The following GLI3 variants were observed in gnomAD, a reference collection of about 807,000 sequenced individuals.
GLI3 encodes GLI family zinc finger 3.
A neutral mutation model predicts 100.8 loss-of-function variants in GLI3; 20 were observed. The observed-to-expected ratio is 0.20, with a 90% CI of 0.14 to 0.29. The LOEUF (loss-of-function observed/expected upper bound fraction) is 0.29. GLI3 is among the 10% of genes least tolerant of loss of function. GLI3 has a pLI of 1.00. For synonymous variants in GLI3, 938 were observed against 860.5 expected (o/e 1.09, Z -1.58); for missense variants, 2,040 against 2,128.5 (o/e 0.96, Z 0.82).
intron 1 of GLI3, among the ~76,000 whole-genome samples, chr7:42,224,150 G>A (rs1160161216): frequency 6.6e-6 from 1 of 152,112 alleles, no homozygotes; most frequent in East Asian, 1.9e-4. Context: ...CCTTTTTGCA[G>A]TCATGTTCTA....
Position 42,201,380 on chromosome 7 carries a change from G to C in GLI3, c.124+21750C>G, listed in dbSNP as rs182960299. ...GGGCAATTGACAGAATCAGTCCATCGGGTAGAAACTGTTACTGCCACAGCT... is the reference window on the plus strand; with the variant it reads ...GGGCAATTGACAGAATCAGTCCATCCGGTAGAAACTGTTACTGCCACAGCT... On this transcript the variant is annotated intron_variant, in intron 2 of 14. Transcript: ENST00000395925. Among the ~76,000 whole-genome samples the C allele has an allele frequency of 3.1e-3, 469 of 152,248 alleles. 2 individuals are homozygous for C. The highest frequency in any genetic ancestry group is 7.5e-3 in the South Asian group (36 of 4,816).
chr7:42,203,976 G>C (rs1788099005), intron 2 of GLI3, among the ~76,000 whole-genome samples: 2 of 152,034 alleles, frequency 1.3e-5, no homozygotes, highest in Admixed American at 6.6e-5. Context: ...TCCAGCCTGG[G>C]GTGAGACTCC....
At chr7:42,246,874 G>T (rs1279668552) in intron 1 of GLI3, among the ~76,000 whole-genome samples, 2 of 124,796 alleles carry the variant, frequency 1.6e-5, no homozygotes, top group East Asian at 4.8e-4. Context: ...TCTGAAAAAA[G>T]TCTGTGAAAT....
At chr7:42,123,568 T>C (rs1216789469) in intron 3 of GLI3, among the ~76,000 whole-genome samples, 1 of 152,180 alleles carries the variant, frequency 6.6e-6, no homozygotes, top group African/African-American at 2.4e-5. Flanking sequence ...ACTTGAGAAA[T>C]AAATAAAAAT....
chr7:42,248,640 A>C (rs918082340), intron 1 of GLI3, among the ~76,000 whole-genome samples: 2 of 152,206 alleles, frequency 1.3e-5, no homozygotes, highest in African/African-American at 2.4e-5. Context: ...ACATGCTGAT[A>C]AGAAAAGGGT....
Position 41,964,099 on chromosome 7 carries a change from A to G in GLI3, c.*231T>C, listed in dbSNP as rs1424616919. On this transcript the variant is annotated 3_prime_UTR_variant, in exon 15 of 15. Coordinates refer to ENST00000395925, the MANE Select transcript of GLI3 (RefSeq NM_000168.6). ...TTTTTTTTAAAAAGAGGGTGGTTTG[A>G]GTGTAACAATACTGATTCAAAACTG... 7 of 329,708 alleles carry G rather than the reference A, an allele frequency of 2.1e-5. No homozygotes were observed. The highest frequency in any genetic ancestry group is 1.4e-4 in the South Asian group (3 of 21,136). 20.4% of individuals were successfully genotyped at this position (329,708 alleles called of 1,614,324 possible).
chr7:42,101,839 T>TCCCCCCC (rs1372445617), intron 3 of GLI3, among the ~76,000 whole-genome samples: 1 of 94,102 alleles, frequency 1.1e-5, no homozygotes. Context: ...CTCCACCCTC[T>TCCCCCCC]CCCACCCCAC....
intron 2 of GLI3, among the ~76,000 whole-genome samples, chr7:42,219,047 A>G (rs1788432076): frequency 6.6e-6 from 1 of 152,236 alleles, no homozygotes; most frequent in South Asian, 2.1e-4. Flanking sequence ...AGAAAACACA[A>G]CATGTAGCTT....
chr7:42,244,628 G>A (rs1454313679), intron 1 of GLI3, among the ~76,000 whole-genome samples: 3 of 152,046 alleles, frequency 2.0e-5, no homozygotes, highest in African/African-American at 4.8e-5. Flanking sequence ...GCCAAAAAGC[G>A]GTTAGTTAGC....
In GLI3 at chr7:41,964,901, C is replaced by T. The variant is rs1164177317; in HGVS notation, c.4172G>A (p.Gly1391Asp). ...CCTCGGCATAGCCTGGCGCCTGCTG[C>T]CCCCAAAGCTGGCACATGGCTGGTA... ...RGYQPCASFGGSRRQAMPRDS... is the reference protein window; with the variant it reads ...RGYQPCASFGDSRRQAMPRDS... The change falls in exon 15 of 15, where the codon GGC becomes GAC. Residue 1391 changes from glycine to aspartate, a missense_variant. By Grantham distance (94) the Gly-to-Asp change is moderately conservative. Around this residue, in one of 5 missense-constraint regions of GLI3, gnomAD observed 1,041 missense variants for 924.0 expected, o/e 1.13. Coordinates refer to ENST00000395925, the MANE Select transcript of GLI3 (RefSeq NM_000168.6). 8.7e-6 allele frequency: 14 copies of T among 1,613,690 alleles called. No homozygotes were observed. Among genetic ancestry groups the T allele is most frequent in the African/African-American group, 4.0e-5 (3 of 74,942 alleles).
chr7:42,224,874 G>C (rs527238922), intron 1 of GLI3, among the ~76,000 whole-genome samples: 2 of 152,188 alleles, frequency 1.3e-5, no homozygotes, highest in South Asian at 2.1e-4. Flanking sequence ...TGACAGAATC[G>C]GGCAGTGAGA....
chr7:42,254,101 C>T (rs911038054), intron 1 of GLI3, among the ~76,000 whole-genome samples: 1 of 151,612 alleles, frequency 6.6e-6, no homozygotes, highest in Non-Finnish European at 1.5e-5. Context: ...TGCCTGTAAT[C>T]CCAACTACTC....
intron 2 of GLI3, among the ~76,000 whole-genome samples, chr7:42,215,283 T>C (rs1788353061): frequency 6.6e-6 from 1 of 152,188 alleles, no homozygotes; most frequent in South Asian, 2.1e-4. Flanking sequence ...TCTTACTGTA[T>C]GTGAATTTTA....
chr7:42,101,192 A>T (rs1305015217), intron 3 of GLI3, among the ~76,000 whole-genome samples: 1 of 152,220 alleles, frequency 6.6e-6, no homozygotes, highest in Non-Finnish European at 1.5e-5. Flanking sequence ...CATGTGCAGT[A>T]TGCCCATCGT....
intron 1 of GLI3, among the ~76,000 whole-genome samples, chr7:42,229,967 A>C (rs941392851): frequency 9.2e-5 from 14 of 152,028 alleles, no homozygotes; most frequent in African/African-American, 2.7e-4. Flanking sequence ...CCTTGTGTTC[A>C]AAATATCTTC....
intron 3 of GLI3, among the ~76,000 whole-genome samples, chr7:42,101,824 T>C (rs1785469328): frequency 9.1e-6 from 1 of 110,260 alleles, no homozygotes; most frequent in Non-Finnish European, 1.8e-5. Flanking sequence ...CTCCCAATGC[T>C]ATCCCTCCAC....
At chr7:42,062,636 G>A (rs1207828492) in intron 4 of GLI3, among the ~76,000 whole-genome samples, 1 of 152,024 alleles carries the variant, frequency 6.6e-6, no homozygotes, top group South Asian at 2.1e-4. Context: ...CCAGGTTTGT[G>A]CATTTTATCT....
chr7:42,031,193 T>A (rs751252356), intron 7 of GLI3, among the ~76,000 whole-genome samples: 4 of 152,268 alleles, frequency 2.6e-5, no homozygotes, highest in Non-Finnish European at 5.9e-5. Context: ...ATTCTCTGCA[T>A]TCAACAATTA....
At chr7:42,157,175 GC>G (rs1357546317) in intron 2 of GLI3, among the ~76,000 whole-genome samples, 1 of 152,212 alleles carries the variant, frequency 6.6e-6, no homozygotes, top group Non-Finnish European at 1.5e-5. Context: ...GCCAGGTGCT[GC>G]CCGGGTCAGG....
Sources: gnomAD v4.1 joint callset for allele counts (sites outside exome capture counted in the v4.1 genomes callset) on GRCh38, gnomAD v4.1.1 for gene constraint, gnomAD v4.1.1 regional missense constraint, MANE v1.5 for transcripts, NCBI Gene and HGNC (gene_info 2026-07-23, HGNC 2026-07-21) for gene names.